CCDC102B: variants seen among roughly 807,000 people sequenced by gnomAD.
The protein encoded by CCDC102B is coiled-coil domain-containing protein 102B.
CCDC102B carries 75 observed loss-of-function variants against 57.4 expected under a neutral mutation model. That is an observed-to-expected ratio of 1.31 (90% CI 1.08 to 1.58). The LOEUF is 1.58. CCDC102B is among the 40% of genes most tolerant of loss of function. The pLI is 0.00. For missense variants in CCDC102B, 636 were observed against 582.6 expected (o/e 1.09, Z -0.94); for synonymous variants, 206 against 201.9 (o/e 1.02, Z -0.17).
chr18:68,837,083 G>C lies in CCDC102B; in HGVS notation c.320G>C (p.Ser107Thr). Residue 107 changes from serine to threonine, a missense_variant, in exon 2 of 8, where the codon AGT becomes ACT. Coordinates refer to ENST00000360242, the MANE Select transcript of CCDC102B (RefSeq NM_024781.3). The stretch of plus-strand genomic sequence containing the variant: ...ACTGCCAACTGGAGAGAAAAATGGA[G>C]TAAAGTTCGAGCTGAAAGGAACAGT... The part of the protein sequence containing the change: ...DCTANWREKW[S>T]KVRAERNSAR... The C allele has an allele frequency of 6.2e-7, 1 of 1,614,156 alleles. No homozygotes were observed. Among genetic ancestry groups the C allele is most frequent in the Non-Finnish European group, 8.5e-7 (1 of 1,180,018 alleles).
At chr18:68,761,581 G>T (rs980250989) in intron 2 of CCDC102B, among the ~76,000 whole-genome samples, 2 of 151,804 alleles carry the variant, frequency 1.3e-5, no homozygotes, top group Non-Finnish European at 2.9e-5. Flanking sequence ...GTACCTTCCT[G>T]GTGAGGTGAA....
intron 4 of CCDC102B, among the ~76,000 whole-genome samples, chr18:68,849,015 T>C (rs891961586): frequency 6.6e-6 from 1 of 152,138 alleles, no homozygotes; most frequent in South Asian, 2.1e-4. Context: ...TTTGTGATCA[T>C]AACAATGTGC....
rs539778571 is a variant in CCDC102B, at chr18:68,775,937, C to T, written c.-66-47429C>T. Among the ~76,000 whole-genome samples, 7 of 152,276 alleles carry T rather than the reference C, an allele frequency of 4.6e-5. No individual in the cohort carries two copies. In the East Asian group the frequency reaches 1.4e-3, roughly 29 times the overall value. ...CAAGTGCTGGGATTACAGGCGTGAG[C>T]CACAAAGCCCGGCCCCTGGATTCTT... On this transcript the variant is annotated intron_variant, in intron 2 of 3. Coordinates refer to the CCDC102B transcript ENST00000578970.
Position 68,766,010 on chromosome 18 carries a change from T to G in CCDC102B, c.-67+49416T>G, listed in dbSNP as rs546406196. Reference sequence around the variant, plus strand: ...AAATCCAATTGAACAAAATTTTCCATAAAAAATTTTAAAACATATTAATTC... The same window carrying G: ...AAATCCAATTGAACAAAATTTTCCAGAAAAAATTTTAAAACATATTAATTC... On this transcript the variant is annotated intron_variant, in intron 2 of 3. Transcript: ENST00000578970. 2.6e-5 allele frequency among the ~76,000 whole-genome samples: 4 copies of G among 152,200 alleles called. No individual in the cohort carries two copies. The East Asian group carries it at 7.7e-4, about 29-fold the overall frequency.
At chr18:68,923,800 C>G (rs895592004) in intron 6 of CCDC102B, among the ~76,000 whole-genome samples, 1 of 152,042 alleles carries the variant, frequency 6.6e-6, no homozygotes, top group African/African-American at 2.4e-5. Context: ...CAACACAGAT[C>G]ACATTCCATC....
chr18:68,755,797 A>G (rs946987310), intron 2 of CCDC102B, among the ~76,000 whole-genome samples: 22 of 151,562 alleles, frequency 1.5e-4, no homozygotes, highest in African/African-American at 5.3e-4. Flanking sequence ...CCATAGAAAA[A>G]CCATAAGAAT....
intron 6 of CCDC102B, among the ~76,000 whole-genome samples, chr18:68,985,777 T>C (rs2050706950): frequency 6.6e-6 from 1 of 152,066 alleles, no homozygotes; most frequent in South Asian, 2.1e-4. Flanking sequence ...GCCAGCATCT[T>C]CCATTGACTG....
intron 7 of CCDC102B, among the ~76,000 whole-genome samples, chr18:69,020,720 C>G (rs184474138): frequency 6.6e-6 from 1 of 152,236 alleles, no homozygotes; most frequent in East Asian, 1.9e-4. Flanking sequence ...CCACAGTCAA[C>G]ATGCAAATAA....
intron 2 of CCDC102B, among the ~76,000 whole-genome samples, chr18:68,767,738 A>C (rs2034514775): frequency 6.6e-6 from 1 of 152,202 alleles, no homozygotes; most frequent in Non-Finnish European, 1.5e-5. Context: ...ATGGTCATAT[A>C]AAATTTTACA....
At chr18:68,828,731 A>G (rs2037017392) in intron 1 of CCDC102B, among the ~76,000 whole-genome samples, 5 of 151,592 alleles carry the variant, frequency 3.3e-5, no homozygotes, top group Non-Finnish European at 7.4e-5. Flanking sequence ...TTTTATTTAA[A>G]TTGTTACTTT....
intron 2 of CCDC102B, among the ~76,000 whole-genome samples, chr18:68,717,749 T>C (rs1371254597): frequency 6.6e-6 from 1 of 152,188 alleles, no homozygotes; most frequent in Non-Finnish European, 1.5e-5. Context: ...TTTGACAACA[T>C]TTTTTAAAAG....
At chr18:68,737,564 C>T (rs1365883213) in intron 2 of CCDC102B, among the ~76,000 whole-genome samples, 1 of 151,836 alleles carries the variant, frequency 6.6e-6, no homozygotes, top group Non-Finnish European at 1.5e-5. Context: ...TTCTCAAACT[C>T]TCATTGCTGC....
chr18:68,828,377 A>C, intron 1 of CCDC102B, among the ~76,000 whole-genome samples: 1 of 149,702 alleles, frequency 6.7e-6, no homozygotes, highest in African/African-American at 2.4e-5. Context: ...AATTGAAATT[A>C]GGCAGAGTAT....
chr18:68,861,524 T>G (rs971401831), intron 4 of CCDC102B, among the ~76,000 whole-genome samples: 3 of 152,088 alleles, frequency 2.0e-5, no homozygotes, highest in African/African-American at 7.3e-5. Flanking sequence ...AGAGTAGCAT[T>G]TAGCCTTGGG....
chr18:69,057,838 A>G (rs73457771), downstream of CCDC102B, among the ~76,000 whole-genome samples: 7,915 of 151,932 alleles, frequency 0.052, 708 homozygotes, highest in African/African-American at 0.18. Flanking sequence ...ATGGAAAGTT[A>G]TTTTTCCCCA....
intron 2 of CCDC102B, among the ~76,000 whole-genome samples, chr18:68,785,397 C>G (rs150586018): frequency 4.6e-5 from 7 of 152,082 alleles, no homozygotes; most frequent in Non-Finnish European, 1.0e-4. Context: ...CCTGAGGAAT[C>G]GCCACATTGA....
chr18:68,951,763 A>G (rs1223836809), intron 6 of CCDC102B, among the ~76,000 whole-genome samples: 1 of 151,820 alleles, frequency 6.6e-6, no homozygotes, highest in Non-Finnish European at 1.5e-5. Flanking sequence ...GGCTGAGATT[A>G]TGCCACTACA....
At chr18:68,770,487 G>A (rs1189794983) in intron 2 of CCDC102B, among the ~76,000 whole-genome samples, 3 of 152,192 alleles carry the variant, frequency 2.0e-5, no homozygotes, top group African/African-American at 7.2e-5. Flanking sequence ...CAAGTTTATT[G>A]AATTGGGGAA....
intron 7 of CCDC102B, among the ~76,000 whole-genome samples, chr18:69,052,094 C>T (rs2052720634): frequency 6.6e-6 from 1 of 151,484 alleles, no homozygotes; most frequent in Non-Finnish European, 1.5e-5. Flanking sequence ...GCTTGGGACT[C>T]TTATGACCAA....
Sources: allele counts gnomAD v4.1 joint callset (sites outside exome capture counted in the v4.1 genomes callset), GRCh38; gene constraint gnomAD v4.1.1; transcripts MANE v1.5; gene names NCBI Gene and HGNC (gene_info 2026-07-23, HGNC 2026-07-21).